Variants in DEUP1 observed in about 807,000 individuals in gnomAD.
DEUP1 encodes the protein deuterosome assembly protein 1.
A neutral mutation model predicts 87.4 loss-of-function variants in DEUP1; 82 were observed. That is an observed-to-expected ratio of 0.94 (90% CI 0.78 to 1.13). The LOEUF is 1.13. DEUP1 is among the 50% of genes most tolerant of loss of function. The pLI is 0.00. For synonymous variants in DEUP1, 214 were observed against 222.7 expected (o/e 0.96, Z 0.35); for missense variants, 663 against 681.5 (o/e 0.97, Z 0.30).
At chr11:93,388,937 T>C (rs1389043900) in intron 8 of DEUP1, 83 bp from the exon 9 acceptor site, 2 of 780,980 alleles carry the variant, frequency 2.6e-6, no homozygotes, top group Non-Finnish European at 4.1e-6. Flanking sequence ...CCGCAGCCTG[T>C]AATGGTCTAA....
intron 7 of DEUP1, chr11:93,383,597 T>C (rs535153203): frequency 3.0e-6 from 2 of 671,974 alleles, no homozygotes; most frequent in East Asian, 2.8e-5. Flanking sequence ...ACACTTTAAA[T>C]GGGCGAATTT....
chr11:93,429,872 C>G (rs893174070), intron 13 of DEUP1, among the ~76,000 whole-genome samples: 8 of 152,088 alleles, frequency 5.3e-5, no homozygotes, highest in Non-Finnish European at 1.5e-5. Flanking sequence ...AAATTCTCAA[C>G]TCTTCTAGGA....
chr11:93,394,863 C>A (rs1488185793), intron 10 of DEUP1, among the ~76,000 whole-genome samples: 1 of 152,120 alleles, frequency 6.6e-6, no homozygotes, highest in African/African-American at 2.4e-5. Context: ...AATGACAGTG[C>A]AAGACAATTT....
At chr11:93,432,611 G>T (rs1401860086) in intron 13 of DEUP1, among the ~76,000 whole-genome samples, 3 of 152,128 alleles carry the variant, frequency 2.0e-5, no homozygotes, top group African/African-American at 7.2e-5. Context: ...GGTTTTACCA[G>T]GTTATTAGGA....
chr11:93,437,980 G>T lies in DEUP1; in HGVS notation c.*261G>T. ...CTATTCCAAAAGAGATTTTTTTCCA[G>T]TCTAAGGAATATTTTGGAATCAAAT... On this transcript the variant is annotated 3_prime_UTR_variant, in exon 14 of 14. Transcript: ENST00000298050. 1 of 255,208 alleles carries T rather than the reference G, an allele frequency of 3.9e-6. No individual in the cohort carries two copies. Among genetic ancestry groups the T allele is most frequent in the South Asian group, 6.0e-5 (1 of 16,660 alleles). 15.8% of individuals were successfully genotyped at this position (255,208 alleles called of 1,614,324 possible).
chr11:93,437,402 G>A, intron 13 of DEUP1, 141 bp from the exon 14 acceptor site: 1 of 615,574 alleles, frequency 1.6e-6, no homozygotes, highest in South Asian at 2.3e-5. Flanking sequence ...TACACTAGTA[G>A]TGGGAATTCA....
chr11:93,340,094 T>C (rs906611189), intron 2 of DEUP1, among the ~76,000 whole-genome samples: 6 of 152,184 alleles, frequency 3.9e-5, no homozygotes, highest in African/African-American at 9.7e-5. Context: ...AGAGACCTCA[T>C]TGGAGCTTAC....
In DEUP1 at chr11:93,353,873, G is replaced by A. The variant is rs545234841; in HGVS notation, c.30-1498G>A. ...ACCACTTTTTCCTCCTGGGCCTCTG[G>A]GCCTGTGATGGGAGGGGCTGCTGTG... On this transcript the variant is annotated intron_variant, in intron 2 of 13. Transcript: ENST00000298050. Among the ~76,000 whole-genome samples, 8 of 152,324 alleles carry A rather than the reference G, an allele frequency of 5.3e-5. No homozygotes were observed. In the East Asian group the frequency reaches 1.5e-3, roughly 29 times the overall value.
chr11:93,418,550 A>G (rs7933291), intron 13 of DEUP1, among the ~76,000 whole-genome samples: 124,279 of 150,248 alleles, frequency 0.83, 51,567 homozygotes, highest in East Asian at 0.91. Context: ...TGGAGAGGAT[A>G]TGGAGAAATA....
intron 11 of DEUP1, among the ~76,000 whole-genome samples, chr11:93,397,326 T>C (rs1946973926): frequency 6.6e-6 from 1 of 152,170 alleles, no homozygotes; most frequent in Non-Finnish European, 1.5e-5. Context: ...ATGGATCCTG[T>C]GATTGGAGTA....
At chr11:93,360,274 C>T (rs549378226) in intron 4 of DEUP1, among the ~76,000 whole-genome samples, 2 of 152,320 alleles carry the variant, frequency 1.3e-5, no homozygotes, top group South Asian at 4.2e-4. Flanking sequence ...CCACTATCCC[C>T]TGGCAGTAAT....
chr11:93,437,747 C>CCG lies in DEUP1; in HGVS notation c.*29_*30insGC, dbSNP rs757115680. On this transcript the variant is annotated 3_prime_UTR_variant, in exon 14 of 14. Coordinates refer to ENST00000298050, the MANE Select transcript of DEUP1 (RefSeq NM_181645.4). ...TTTTAAACTTTTTTATTTGCTTCCCCCCCCCACCCCCGCCAAGAAAAAAAG... is the reference window on the plus strand; with the variant it reads ...TTTTAAACTTTTTTATTTGCTTCCCCCGCCCCCACCCCCGCCAAGAAAAAAAG... The CCG allele has an allele frequency of 9.5e-6, 10 of 1,052,564 alleles. No homozygotes were observed. Among genetic ancestry groups the CCG allele is most frequent in the Middle Eastern group, 6.6e-4 (2 of 3,034 alleles). The allele number at this position is 1,052,564 out of a possible 1,614,324, so 65.2% of individuals were successfully genotyped here. A position where few individuals can be genotyped will look rare whatever the true frequency, so the allele number is the denominator to read the frequency against.
In DEUP1 at chr11:93,437,750, C is replaced by CCCCCCCA; in HGVS notation, c.*33_*34insCCCCACC. The CCCCCCCA allele has an allele frequency of 9.6e-7, 1 of 1,044,884 alleles. No homozygotes were observed. 64.7% of individuals were successfully genotyped at this position (1,044,884 alleles called of 1,614,324 possible). ...TAAACTTTTTTATTTGCTTCCCCCC[C>CCCCCCCA]CCACCCCCGCCAAGAAAAAAAGCTC... is the stretch of plus-strand genomic sequence containing the variant. On this transcript the variant is annotated 3_prime_UTR_variant, in exon 14 of 14. Transcript: ENST00000298050.
At chr11:93,365,369 C>G (rs1283635696) in intron 5 of DEUP1, among the ~76,000 whole-genome samples, 1 of 152,074 alleles carries the variant, frequency 6.6e-6, no homozygotes, top group African/African-American at 2.4e-5. Flanking sequence ...AGTTGGCCCT[C>G]TAGGAAAATG....
chr11:93,347,030 T>C (rs957335318), intron 2 of DEUP1, among the ~76,000 whole-genome samples: 2 of 152,180 alleles, frequency 1.3e-5, no homozygotes, highest in East Asian at 3.8e-4. Flanking sequence ...TGGATGCCCT[T>C]TATTTCTTTC....
upstream of DEUP1, chr11:93,330,707 G>T: frequency 6.5e-6 from 1 of 152,980 alleles, no homozygotes; most frequent in South Asian, 1.8e-4. Context: ...CTGGCGGGGC[G>T]GGAGGTGACA....
chr11:93,386,419 T>C (rs1346632537), intron 8 of DEUP1, among the ~76,000 whole-genome samples: 1 of 152,218 alleles, frequency 6.6e-6, no homozygotes, highest in Non-Finnish European at 1.5e-5. Flanking sequence ...CTTTAATAGT[T>C]CATTGATGCT....
chr11:93,349,174 G>A (rs997788086), intron 2 of DEUP1, among the ~76,000 whole-genome samples: 3 of 152,008 alleles, frequency 2.0e-5, no homozygotes, highest in Non-Finnish European at 2.9e-5. Flanking sequence ...TGTTTTCCCT[G>A]TACCTTACAC....
At chr11:93,338,603 C>A (rs916274623) in intron 2 of DEUP1, among the ~76,000 whole-genome samples, 2 of 151,774 alleles carry the variant, frequency 1.3e-5, no homozygotes, top group African/African-American at 2.4e-5. Flanking sequence ...TAGGGTCTCA[C>A]TATGTTGCCT....
Sources: gnomAD v4.1 joint callset for allele counts (sites outside exome capture counted in the v4.1 genomes callset) on GRCh38, gnomAD v4.1.1 for gene constraint, MANE v1.5 for transcripts, NCBI Gene and HGNC (gene_info 2026-07-23, HGNC 2026-07-21) for gene names.